The following CAMTA1 variants were observed in gnomAD, a reference collection of about 807,000 sequenced individuals.
CAMTA1 encodes the protein calmodulin-binding transcription activator 1.
In CAMTA1, 27 loss-of-function variants were observed where a neutral mutation model predicts 170.9. That is an observed-to-expected ratio of 0.16 (90% confidence interval 0.12 to 0.22). The LOEUF (loss-of-function observed/expected upper bound fraction) is 0.22, where lower values mean the gene tolerates loss of function less well. Ranked by LOEUF, CAMTA1 falls within the 10% of genes least tolerant of loss-of-function variation. The pLI, the probability that CAMTA1 is intolerant of heterozygous loss-of-function variation, is 1.00. For synonymous variants in CAMTA1, 833 were observed against 891.5 expected, an observed-to-expected ratio of 0.93 and a Z score of 1.17; for missense variants, 1,619 against 2,217.2, an observed-to-expected ratio of 0.73 and a Z score of 5.42.
intron 5 of CAMTA1, among the ~76,000 whole-genome samples, chr1:7,423,469 C>CAAAAAA (rs1016382434): frequency 4.2e-5 from 2 of 47,886 alleles, no homozygotes; most frequent in Non-Finnish European, 9.6e-5. Context: ...AACTCCATCT[C>CAAAAAA]AAAAAAAAAA....
chr1:7,545,815 G>C (rs2094684003), intron 6 of CAMTA1, among the ~76,000 whole-genome samples: 1 of 152,130 alleles, frequency 6.6e-6, no homozygotes. Context: ...GCATCCATTA[G>C]CTATTCTTTC....
Position 7,078,353 on chromosome 1 carries a change from T to G in CAMTA1, c.235-12951T>G, listed in dbSNP as rs1639581464. Reference sequence around the variant, plus strand: ...ACCTTCAGATCAGCAAGTCTGCATCTTCATCTGGGGGTAGAGGTGAAGGAG... The same window carrying G: ...ACCTTCAGATCAGCAAGTCTGCATCGTCATCTGGGGGTAGAGGTGAAGGAG... On this transcript the variant is annotated intron_variant, in intron 3 of 22. Coordinates refer to ENST00000303635, the MANE Select transcript of CAMTA1 (RefSeq NM_015215.4). Among the ~76,000 whole-genome samples, 3 of 152,236 alleles carry G rather than the reference T, an allele frequency of 2.0e-5. No homozygotes were observed. In the East Asian group the frequency reaches 5.8e-4, roughly 29 times the overall value.
At chr1:7,111,444 T>C (rs1161081540) in intron 4 of CAMTA1, among the ~76,000 whole-genome samples, 2 of 152,316 alleles carry the variant, frequency 1.3e-5, no homozygotes, top group South Asian at 2.1e-4. Context: ...GAGCACGCTG[T>C]CTAATCCAAT....
intron 5 of CAMTA1, among the ~76,000 whole-genome samples, chr1:7,255,345 T>C (rs1314382148): frequency 6.6e-6 from 1 of 152,112 alleles, no homozygotes; most frequent in Non-Finnish European, 1.5e-5. Context: ...GAAAAACATG[T>C]GTCTTCGGTC....
chr1:7,449,678 G>T (rs984927621), intron 5 of CAMTA1, among the ~76,000 whole-genome samples: 1 of 149,314 alleles, frequency 6.7e-6, no homozygotes, highest in Non-Finnish European at 1.5e-5. Flanking sequence ...GCTGGGGCAG[G>T]AGAATCACTT....
At chr1:7,487,209 C>T (rs1010435508) in intron 6 of CAMTA1, among the ~76,000 whole-genome samples, 9 of 152,140 alleles carry the variant, frequency 5.9e-5, no homozygotes, top group Non-Finnish European at 1.2e-4. Context: ...CCACGGTTAT[C>T]GGCTACTCTT....
At position 7,238,156 on chromosome 1, in the gene CAMTA1, C is replaced by CT. The variant is rs71582089; in HGVS notation, c.303-11320dup. On this transcript the variant is annotated intron_variant, in intron 4 of 22. Transcript: ENST00000303635. The stretch of plus-strand genomic sequence containing the variant: ...AACTTTAATATGGTCAGTCTTCTTT[C>CT]TTTTTTTTTTTTTTTAAAGCAAAAA... Among the ~76,000 whole-genome samples the CT allele has an allele frequency of 9.3e-3, 1,345 of 145,346 alleles. 22 individuals carry two copies. Among genetic ancestry groups the CT allele is most frequent in the African/African-American group, 0.031 (1,224 of 38,982 alleles).
intron 21 of CAMTA1, among the ~76,000 whole-genome samples, chr1:7,752,863 G>T (rs771695481): frequency 1.3e-5 from 2 of 152,174 alleles, no homozygotes; most frequent in Non-Finnish European, 2.9e-5. Flanking sequence ...CCACATTGCA[G>T]TATGTTCTTT....
intron 5 of CAMTA1, among the ~76,000 whole-genome samples, chr1:7,320,841 T>C (rs74052033): frequency 0.088 from 13,402 of 152,002 alleles, 1,958 homozygotes; most frequent in African/African-American, 0.31. Flanking sequence ...GTTGGGCCCA[T>C]GGGCTCAGTG....
chr1:7,052,287 C>A (rs1000719630), intron 3 of CAMTA1, among the ~76,000 whole-genome samples: 1 of 152,010 alleles, frequency 6.6e-6, no homozygotes, highest in Non-Finnish European at 1.5e-5. Context: ...GTCGTTCTCT[C>A]CGACGACACC....
At chr1:7,207,549 T>G (rs1657969960) in intron 4 of CAMTA1, among the ~76,000 whole-genome samples, 1 of 152,194 alleles carries the variant, frequency 6.6e-6, no homozygotes. Context: ...AACTGAAAAT[T>G]GACCTTGGAG....
chr1:7,550,954 C>T (rs558787142), intron 6 of CAMTA1, among the ~76,000 whole-genome samples: 1 of 152,254 alleles, frequency 6.6e-6, no homozygotes, highest in Admixed American at 6.5e-5. Flanking sequence ...CTCCCTTGGC[C>T]TCCTTCACAG....
intron 3 of CAMTA1, among the ~76,000 whole-genome samples, chr1:6,874,856 G>A (rs1041675091): frequency 6.6e-6 from 1 of 152,088 alleles, no homozygotes; most frequent in Non-Finnish European, 1.5e-5. Context: ...AAGGTGTCTA[G>A]GGAGCTTTGA....
chr1:6,812,563 T>C (rs1645304473), intron 1 of CAMTA1, among the ~76,000 whole-genome samples: 1 of 152,238 alleles, frequency 6.6e-6, no homozygotes, highest in Non-Finnish European at 1.5e-5. Context: ...TTTTTTTTAC[T>C]GAATGTATTC....
intron 5 of CAMTA1, among the ~76,000 whole-genome samples, chr1:7,310,613 T>G (rs1676342672): frequency 3.4e-4 from 1 of 2,966 alleles, no homozygotes; most frequent in South Asian, 0.02. Context: ...TCTTTCTTTC[T>G]TTCTTTCTTT....
chr1:7,550,971 A>G (rs919776828), intron 6 of CAMTA1, among the ~76,000 whole-genome samples: 18 of 152,220 alleles, frequency 1.2e-4, no homozygotes, highest in Admixed American at 9.8e-4. Flanking sequence ...ACAGGAAGGC[A>G]AAGTACCCCC....
chr1:6,953,166 G>T (rs1256951174), intron 3 of CAMTA1, among the ~76,000 whole-genome samples: 1 of 152,100 alleles, frequency 6.6e-6, no homozygotes, highest in Admixed American at 6.5e-5. Flanking sequence ...CTGTCCCGTC[G>T]TTTTCTCTCC....
intron 3 of CAMTA1, among the ~76,000 whole-genome samples, chr1:6,955,416 T>C (rs1689284138): frequency 6.6e-6 from 1 of 152,182 alleles, no homozygotes; most frequent in Admixed American, 6.5e-5. Context: ...TGCTTGTCTA[T>C]AGCCAAAGGC....
chr1:6,953,088 T>C (rs994463685), intron 3 of CAMTA1, among the ~76,000 whole-genome samples: 3 of 152,178 alleles, frequency 2.0e-5, no homozygotes, highest in Non-Finnish European at 4.4e-5. Flanking sequence ...TTGTCAGCAT[T>C]TCCCTCAGTT....
Sources: allele counts gnomAD v4.1 joint callset (sites outside exome capture counted in the v4.1 genomes callset), GRCh38; gene constraint gnomAD v4.1.1; transcripts MANE v1.5; gene names NCBI Gene and HGNC (gene_info 2026-07-23, HGNC 2026-07-21).